Variants in PDE4D observed in about 807,000 individuals in gnomAD.
PDE4D encodes 3',5'-cyclic-AMP phosphodiesterase 4D.
Under a neutral mutation model 87.4 loss-of-function variants are expected in PDE4D, and 24 were observed. The ratio of observed to expected loss-of-function variants is 0.27; its 90% CI spans 0.20 to 0.39. The LOEUF (loss-of-function observed/expected upper bound fraction) is 0.39, where lower values mean the gene tolerates loss of function less well. Among genes scored for constraint, PDE4D ranks in the 10% least tolerant of loss-of-function variants. The pLI, the probability that PDE4D is intolerant of heterozygous loss-of-function variation, is 1.00. For synonymous variants in PDE4D, 384 were observed against 383.2 expected (o/e 1.00, Z -0.02); for missense variants, 714 against 1,041.0 (o/e 0.69, Z 4.32).
At chr5:60,238,936 C>T (rs1236546655) in intron 1 of PDE4D, among the ~76,000 whole-genome samples, 2 of 151,878 alleles carry the variant, frequency 1.3e-5, no homozygotes, top group African/African-American at 4.8e-5. Context: ...GCAATCAGGC[C>T]TTGGCGATGA....
At chr5:60,503,682 T>C (rs78622144) in intron 1 of PDE4D, among the ~76,000 whole-genome samples, 6,138 of 152,244 alleles carry the variant, frequency 0.04, 155 homozygotes, top group Middle Eastern at 0.11. Context: ...ATCTACAACT[T>C]GTTTCTCCTG....
intron 1 of PDE4D, among the ~76,000 whole-genome samples, chr5:59,496,669 G>A (rs1247635195): frequency 1.3e-5 from 2 of 152,148 alleles, no homozygotes; most frequent in East Asian, 3.9e-4. Flanking sequence ...GTCAAAGGTT[G>A]GGTCAAAGGA....
chr5:59,631,007 T>C (rs986072491), intron 1 of PDE4D, among the ~76,000 whole-genome samples: 2 of 152,180 alleles, frequency 1.3e-5, no homozygotes, highest in Non-Finnish European at 2.9e-5. Context: ...TGAAGACATC[T>C]TGTGAAATGC....
intron 1 of PDE4D, among the ~76,000 whole-genome samples, chr5:59,886,378 A>G (rs1192417611): frequency 1.3e-5 from 2 of 152,034 alleles, no homozygotes; most frequent in Non-Finnish European, 2.9e-5. Flanking sequence ...TTAGCCGGAC[A>G]TGGTGGCAGG....
chr5:59,725,619 C>T (rs1005577594), intron 1 of PDE4D, among the ~76,000 whole-genome samples: 1 of 151,984 alleles, frequency 6.6e-6, no homozygotes, highest in African/African-American at 2.4e-5. Context: ...TGATTTATAG[C>T]CCTGGTTCTT....
intron 1 of PDE4D, among the ~76,000 whole-genome samples, chr5:60,507,820 G>A (rs536637782): frequency 2.0e-5 from 3 of 152,302 alleles, no homozygotes; most frequent in African/African-American, 7.2e-5. Context: ...AAATTTATGA[G>A]CTTCCTTCTA....
intron 1 of PDE4D, among the ~76,000 whole-genome samples, chr5:59,405,784 T>A (rs1222102611): frequency 6.6e-6 from 1 of 152,214 alleles, no homozygotes; most frequent in African/African-American, 2.4e-5. Context: ...CAGCATAAAT[T>A]GAAATGATCA....
chr5:59,750,459 C>T (rs1760276084), intron 1 of PDE4D, among the ~76,000 whole-genome samples: 1 of 152,160 alleles, frequency 6.6e-6, no homozygotes, highest in South Asian at 2.1e-4. Context: ...CTTGAAATCA[C>T]AATGAAATGT....
intron 1 of PDE4D, among the ~76,000 whole-genome samples, chr5:60,242,264 T>G (rs1747213893): frequency 6.6e-6 from 1 of 152,028 alleles, no homozygotes; most frequent in South Asian, 2.1e-4. Context: ...AAGGTTCAAT[T>G]CAGGAAGAGG....
intron 3 of PDE4D, among the ~76,000 whole-genome samples, chr5:59,979,616 C>T (rs1213854868): frequency 6.6e-6 from 1 of 152,090 alleles, no homozygotes; most frequent in Non-Finnish European, 1.5e-5. Context: ...AAAGTTGACC[C>T]ATCATCCAGA....
chr5:60,265,617 G>T (rs1376890975), intron 1 of PDE4D, among the ~76,000 whole-genome samples: 1 of 152,116 alleles, frequency 6.6e-6, no homozygotes, highest in African/African-American at 2.4e-5. Flanking sequence ...TCCACCCTGG[G>T]ATTACAGATG....
At chr5:59,732,393 T>C (rs1229412551) in intron 1 of PDE4D, among the ~76,000 whole-genome samples, 8 of 80,968 alleles carry the variant, frequency 9.9e-5, no homozygotes, top group African/African-American at 4.0e-4. Context: ...TCAGGAGACA[T>C]TCACACACAC....
intron 2 of PDE4D, among the ~76,000 whole-genome samples, chr5:59,194,915 A>G (rs1745120909): frequency 6.6e-6 from 1 of 152,174 alleles, no homozygotes; most frequent in African/African-American, 2.4e-5. Context: ...GTGAGAAGTA[A>G]TTAGGTCAGG....
chr5:60,399,557 T>G (rs1740857149), intron 1 of PDE4D, among the ~76,000 whole-genome samples: 2 of 152,224 alleles, frequency 1.3e-5, no homozygotes, highest in South Asian at 4.1e-4. Flanking sequence ...GCACAGATCA[T>G]GGTCATAGAC....
chr5:59,282,242 A>C (rs1164782318), intron 1 of PDE4D, among the ~76,000 whole-genome samples: 1 of 152,188 alleles, frequency 6.6e-6, no homozygotes, highest in African/African-American at 2.4e-5. Context: ...AACTTACTTC[A>C]ATAATTCTTA....
chr5:60,202,402 A>G (rs1488901905), intron 1 of PDE4D, among the ~76,000 whole-genome samples: 1 of 152,164 alleles, frequency 6.6e-6, no homozygotes, highest in Non-Finnish European at 1.5e-5. Flanking sequence ...TCTGGGCTCA[A>G]GTAATCTGCC....
intron 1 of PDE4D, among the ~76,000 whole-genome samples, chr5:60,501,752 T>G (rs1169796538): frequency 6.6e-6 from 1 of 152,142 alleles, no homozygotes; most frequent in African/African-American, 2.4e-5. Context: ...TGATGGCCAG[T>G]GATGGTGAGC....
intron 1 of PDE4D, among the ~76,000 whole-genome samples, chr5:59,268,919 T>C (rs1478272119): frequency 1.3e-5 from 2 of 152,108 alleles, no homozygotes; most frequent in Non-Finnish European, 2.9e-5. Flanking sequence ...GGTGGATCCA[T>C]GACTAACCAT....
intron 1 of PDE4D, among the ~76,000 whole-genome samples, chr5:60,512,141 A>G (rs1193393992): frequency 6.6e-6 from 1 of 152,208 alleles, no homozygotes; most frequent in Admixed American, 6.5e-5. Flanking sequence ...CACAAATGAG[A>G]AAGATATAAA....
Sources: gnomAD v4.1 joint callset for allele counts (sites outside exome capture counted in the v4.1 genomes callset) on GRCh38, gnomAD v4.1.1 for gene constraint, MANE v1.5 for transcripts, NCBI Gene and HGNC (gene_info 2026-07-23, HGNC 2026-07-21) for gene names.